The following DHRSX variants were observed in gnomAD, a reference collection of about 807,000 sequenced individuals.
DHRSX encodes dehydrogenase/reductase X-linked, also known as polyprenol dehydrogenase.
A neutral mutation model predicts 34.0 loss-of-function variants in DHRSX; 31 were observed. That is an observed-to-expected ratio of 0.91 (90% CI 0.69 to 1.23). The LOEUF is 1.23. DHRSX is among the 50% of genes most tolerant of loss of function. The pLI is 0.00. For synonymous variants in DHRSX, 201 were observed against 183.8 expected (o/e 1.09, Z -0.76); for missense variants, 414 against 428.1 (o/e 0.97, Z 0.29).
rs145791066 is a variant in DHRSX at position 2,283,746 on chromosome X, T to C, written c.388+7756A>G. Among the ~76,000 whole-genome samples, 254 of 152,372 alleles carry C rather than the reference T, an allele frequency of 1.7e-3. 5 individuals are homozygous for C. The East Asian group carries it at 0.046, about 28-fold the overall frequency. On this transcript the variant is annotated intron_variant, in intron 4 of 6. Coordinates refer to ENST00000334651, the MANE Select transcript of DHRSX (RefSeq NM_145177.3). ...ATTTGAATGAACTCATTAGAATTCA[T>C]TCATTCATTTGATTCCATTCATTCA...
intron 3 of DHRSX, among the ~76,000 whole-genome samples, chrX:2,370,734 G>A (rs953161965): frequency 2.2e-4 from 33 of 152,030 alleles, no homozygotes; most frequent in Non-Finnish European, 3.8e-4. Context: ...TCCTTGACCT[G>A]AACAAAATTC....
chrX:2,314,875 A>C (rs1375165816), intron 3 of DHRSX, among the ~76,000 whole-genome samples: 1 of 152,130 alleles, frequency 6.6e-6, no homozygotes, highest in Non-Finnish European at 1.5e-5. Context: ...ATTGGGTCTT[A>C]GGCCAGGTGC....
intron 2 of DHRSX, among the ~76,000 whole-genome samples, chrX:2,411,086 T>C (rs907705128): frequency 2.6e-5 from 4 of 152,016 alleles, no homozygotes; most frequent in African/African-American, 9.7e-5. Flanking sequence ...GTCCTATGCA[T>C]CAAACACAAA....
chrX:2,284,027 C>A (rs958426889), intron 4 of DHRSX, among the ~76,000 whole-genome samples: 1 of 151,672 alleles, frequency 6.6e-6, no homozygotes, highest in African/African-American at 2.4e-5. Context: ...TGAATTTATT[C>A]ATTCCTTTGA....
At chrX:2,485,807 G>GGAGAA (rs1556536393) in intron 1 of DHRSX, among the ~76,000 whole-genome samples, 1 of 51,380 alleles carries the variant, frequency 1.9e-5, no homozygotes. Context: ...GAGAAGGAAG[G>GGAGAA]AAGGGAGAGA....
chrX:2,451,116 C>T (rs574255379), intron 1 of DHRSX, among the ~76,000 whole-genome samples: 4 of 152,128 alleles, frequency 2.6e-5, no homozygotes, highest in Admixed American at 2.6e-4. Flanking sequence ...ATTTTAGCAG[C>T]TCCCTACTCA....
intron 4 of DHRSX, among the ~76,000 whole-genome samples, chrX:2,276,378 G>A (rs2041648231): frequency 6.6e-6 from 1 of 152,138 alleles, no homozygotes; most frequent in African/African-American, 2.4e-5. Flanking sequence ...TTCAAAGGTG[G>A]AGAATACACA....
intron 4 of DHRSX, among the ~76,000 whole-genome samples, chrX:2,275,936 C>T (rs1030011129): frequency 1.3e-5 from 2 of 151,996 alleles, no homozygotes; most frequent in South Asian, 2.1e-4. Flanking sequence ...CTCTGCCTCC[C>T]GGGTTCCAGA....
intron 3 of DHRSX, among the ~76,000 whole-genome samples, chrX:2,309,965 C>T (rs150244530): frequency 0.013 from 1,943 of 152,172 alleles, 45 homozygotes; most frequent in African/African-American, 0.041. Flanking sequence ...CAGGAGGCAG[C>T]GCTTGTGGAG....
At chrX:2,250,503 G>C (rs896046443) in intron 5 of DHRSX, among the ~76,000 whole-genome samples, 1 of 152,090 alleles carries the variant, frequency 6.6e-6, no homozygotes, top group African/African-American at 2.4e-5. Flanking sequence ...TGGGACAGGG[G>C]TGACCAATTC....
intron 1 of DHRSX, among the ~76,000 whole-genome samples, chrX:2,440,121 G>C (rs1165054094): frequency 6.6e-6 from 1 of 152,224 alleles, no homozygotes; most frequent in Non-Finnish European, 1.5e-5. Flanking sequence ...AACAAGGTCA[G>C]TAGCATCTGT....
chrX:2,269,721 G>A (rs2041523930), intron 4 of DHRSX, among the ~76,000 whole-genome samples: 1 of 152,086 alleles, frequency 6.6e-6, no homozygotes, highest in Non-Finnish European at 1.5e-5. Context: ...TGTATTTTCA[G>A]TAGAGACGGG....
intron 3 of DHRSX, among the ~76,000 whole-genome samples, chrX:2,335,863 CTTAAA>C (rs1459313411): frequency 6.6e-6 from 1 of 152,042 alleles, no homozygotes; most frequent in Non-Finnish European, 1.5e-5. Context: ...TTCAAACCTT[CTTAAA>C]TTATTGTTAC....
chrX:2,268,490 G>T, intron 4 of DHRSX, among the ~76,000 whole-genome samples: 1 of 152,256 alleles, frequency 6.6e-6, no homozygotes, highest in Non-Finnish European at 1.5e-5. Context: ...ATACACTTGG[G>T]TATATAACTG....
At chrX:2,443,877 A>G (rs920151035) in intron 1 of DHRSX, among the ~76,000 whole-genome samples, 4 of 152,054 alleles carry the variant, frequency 2.6e-5, no homozygotes, top group African/African-American at 7.2e-5. Flanking sequence ...GTGGTGGCGG[A>G]AGCCTGTAGT....
At chrX:2,306,883 T>C (rs1017589158) in intron 3 of DHRSX, among the ~76,000 whole-genome samples, 8 of 151,874 alleles carry the variant, frequency 5.3e-5, no homozygotes, top group Non-Finnish European at 1.2e-4. Context: ...CTCTTCTTTG[T>C]ACATCTGGTC....
chrX:2,386,563 C>A (rs1336588539), intron 3 of DHRSX, among the ~76,000 whole-genome samples: 1 of 152,132 alleles, frequency 6.6e-6, no homozygotes, highest in African/African-American at 2.4e-5. Flanking sequence ...AAAGTTCTGA[C>A]GGTTGAAATT....
chrX:2,270,091 G>C lies in DHRSX; in HGVS notation c.389-3144C>G, dbSNP rs140415045. Among the ~76,000 whole-genome samples the C allele has an allele frequency of 1.3e-3, 192 of 152,216 alleles. 2 individuals are homozygous for C. The highest frequency in any genetic ancestry group is 4.5e-3 in the African/African-American group (186 of 41,536). ...TACATTTTTTGAGGTACATGCATTT[G>C]TATATGTGCTTGCTTCTGTGTGTAC... On this transcript the variant is annotated intron_variant, in intron 4 of 6. Coordinates refer to ENST00000334651, the MANE Select transcript of DHRSX (RefSeq NM_145177.3).
intron 3 of DHRSX, among the ~76,000 whole-genome samples, chrX:2,393,271 A>C (rs921334485): frequency 6.6e-6 from 1 of 152,044 alleles, no homozygotes; most frequent in African/African-American, 2.4e-5. Context: ...TATAACACAT[A>C]AACAAACTAT....
Sources: allele counts gnomAD v4.1 joint callset (sites outside exome capture counted in the v4.1 genomes callset), GRCh38; gene constraint gnomAD v4.1.1; transcripts MANE v1.5; gene names NCBI Gene and HGNC (gene_info 2026-07-23, HGNC 2026-07-21).